The following SKIDA1 variants were observed in gnomAD, a reference collection of about 807,000 sequenced individuals.
SKIDA1 encodes SKI/DACH domain containing 1.
Under a neutral mutation model 51.4 loss-of-function variants are expected in SKIDA1, and 18 were observed. That is an observed-to-expected ratio of 0.35 (90% CI 0.24 to 0.52). SKIDA1 has a LOEUF of 0.52. Ranked by LOEUF, SKIDA1 falls within the 20% of genes least tolerant of loss-of-function variation. SKIDA1 has a pLI of 0.95. For missense variants in SKIDA1, 1,104 were observed against 1,180.6 expected (o/e 0.94, Z 0.95); for synonymous variants, 579 against 500.5 (o/e 1.16, Z -2.09).
At position 21,516,141 on chromosome 10, in the gene SKIDA1, G is replaced by T. The variant is rs1448814636; in HGVS notation, c.1682C>A (p.Ser561Tyr). The change falls in exon 4 of 4, where the codon TCC becomes TAC. Residue 561 changes from serine (S) to tyrosine (Y), a missense_variant. Physicochemically the swap from Ser to Tyr is moderately radical, Grantham distance 144 (BLOSUM62 -2). Transcript: ENST00000449193. This position sits in a 1 kb window ranked among gnomAD's most constrained non-coding sequence, Gnocchi z 5.7. ...CAGGTCAGTTCTCTTTACAGCATTGGAAATTTCAGAGTGTGGGAATGTAAT... is the reference window on the plus strand; with the variant it reads ...CAGGTCAGTTCTCTTTACAGCATTGTAAATTTCAGAGTGTGGGAATGTAAT... Reference protein sequence around the residue: ...SEITFPHSEISNAVKRTDLTI... With the variant: ...SEITFPHSEIYNAVKRTDLTI... 1 of 1,613,902 alleles carries T rather than the reference G, an allele frequency of 6.2e-7. No homozygotes were observed. Among genetic ancestry groups the T allele is most frequent in the African/African-American group, 1.3e-5 (1 of 74,928 alleles).
chr10:21,516,514 T>G lies in SKIDA1; in HGVS notation c.1309A>C (p.Ser437Arg), dbSNP rs777401308. Residue 437 changes from serine (S) to arginine (R), a missense_variant, in exon 4 of 4, where the codon AGT (serine) becomes CGT (arginine). Ser to Arg is a moderately radical substitution (Grantham distance 110, BLOSUM62 -1). Coordinates refer to ENST00000449193, the MANE Select transcript of SKIDA1 (RefSeq NM_207371.4). This position sits in a 1 kb window ranked among gnomAD's most constrained non-coding sequence, Gnocchi z 5.7. ...TCCTCCTCCTCCGAGCTGACTTCAC[T>G]GGAATCCGAGGCCCCGCTGCCCCCC... The part of the protein sequence containing the change: ...EEGGSGASDS[S>R]EVSSEEEDSS... The G allele has an allele frequency of 6.3e-7, 1 of 1,588,952 alleles. No individual in the cohort carries two copies. The highest frequency in any genetic ancestry group is 8.6e-7 in the Non-Finnish European group (1 of 1,168,112).
intron 1 of SKIDA1, among the ~76,000 whole-genome samples, chr10:21,525,121 T>A (rs1406420531): frequency 1.3e-5 from 2 of 152,212 alleles, no homozygotes; most frequent in Non-Finnish European, 2.9e-5. Context: ...GTCATTTAAA[T>A]AGACTTTCTT....
At chr10:21,519,941 G>T (rs1220942810) in intron 3 of SKIDA1, among the ~76,000 whole-genome samples, 2 of 148,966 alleles carry the variant, frequency 1.3e-5, no homozygotes, top group Non-Finnish European at 3.0e-5. Context: ...ATTTAAGAGA[G>T]TCTGTAACTC....
At chr10:21,520,955 A>G (rs2032376727) in intron 3 of SKIDA1, among the ~76,000 whole-genome samples, 2 of 152,054 alleles carry the variant, frequency 1.3e-5, no homozygotes, top group African/African-American at 4.8e-5. Context: ...CTACTATTAC[A>G]CATCTTTCTT....
rs1475896712 is a variant in SKIDA1 at position 21,516,543 on chromosome 10, T to TCCTCCA, written c.1279_1280insTGGAGG (p.Glu426_Glu427insValGlu). ...ATCCGAGGCCCCGCTGCCCCCCTCCTCCTCCTCTTCCTCCTCCTCCTCCTC... is the reference window on the plus strand; with the variant it reads ...ATCCGAGGCCCCGCTGCCCCCCTCCTCCTCCACCTCCTCTTCCTCCTCCTCCTCCTC... On this transcript the variant is annotated inframe_insertion, in exon 4 of 4. Coordinates refer to ENST00000449193, the MANE Select transcript of SKIDA1 (RefSeq NM_207371.4). This position sits in a 1 kb window ranked among gnomAD's most constrained non-coding sequence, Gnocchi z 5.7. 4.5e-6 allele frequency: 7 copies of TCCTCCA among 1,545,738 alleles called. No individual in the cohort carries two copies. The highest frequency in any genetic ancestry group is 6.1e-6 in the Non-Finnish European group (7 of 1,142,290).
intron 2 of SKIDA1, 39 bp from the exon 3 acceptor site, chr10:21,521,519 T>A (rs2032394455): frequency 6.6e-6 from 1 of 152,622 alleles, no homozygotes; most frequent in Non-Finnish European, 1.5e-5. Context: ...TAATGGACTG[T>A]ATTCAAATTT....
chr10:21,520,430 C>T (rs2032358791), intron 3 of SKIDA1, among the ~76,000 whole-genome samples: 1 of 152,046 alleles, frequency 6.6e-6, no homozygotes, highest in South Asian at 2.1e-4. Flanking sequence ...TTTAAAATTC[C>T]TTCTGATGCA....
rs1411392267 is a variant in SKIDA1, at chr10:21,514,912, T to G, written c.*184A>C. ...CCCTTCTCCCACCCCGCCCCCACCC[T>G]ACTCCAGAAAAAAAAAAAAAAACCC... On this transcript the variant is annotated 3_prime_UTR_variant, in exon 4 of 4. Coordinates refer to ENST00000449193, the MANE Select transcript of SKIDA1 (RefSeq NM_207371.4). The G allele has an allele frequency of 3.0e-5, 1 of 33,588 alleles. No homozygotes were observed. The highest frequency in any genetic ancestry group is 5.7e-5 in the Non-Finnish European group (1 of 17,504). 2.1% of individuals were successfully genotyped at this position (33,588 alleles called of 1,614,324 possible). A position where few individuals can be genotyped will look rare whatever the true frequency, so the allele number is the denominator to read the frequency against.
chr10:21,516,513 C>G lies in SKIDA1; in HGVS notation c.1310G>C (p.Ser437Thr), dbSNP rs373195307. 4 of 1,589,820 alleles carry G rather than the reference C, an allele frequency of 2.5e-6. No individual in the cohort carries two copies. In the South Asian group the frequency reaches 4.5e-5, roughly 18 times the overall value. Reference protein sequence around the residue: ...EEGGSGASDSSEVSSEEEDSS... With the variant: ...EEGGSGASDSTEVSSEEEDSS... ...GTCCTCCTCCTCCGAGCTGACTTCA[C>G]TGGAATCCGAGGCCCCGCTGCCCCC... Residue 437 changes from serine to threonine, a missense_variant, in exon 4 of 4, where the codon AGT (serine) becomes ACT (threonine). This residue lies in a region of SKIDA1 where 938 missense variants were observed against 886.4 expected (regional missense o/e 1.06). Transcript: ENST00000449193. This position sits in a 1 kb window ranked among gnomAD's most constrained non-coding sequence, Gnocchi z 5.7.
Position 21,519,230 on chromosome 10 carries a change from A to T in SKIDA1, c.-1408T>A, listed in dbSNP as rs905710030. 1.2e-5 allele frequency: 2 copies of T among 167,094 alleles called. No homozygotes were observed. The highest frequency in any genetic ancestry group is 2.9e-5 in the Non-Finnish European group (2 of 68,124). 10.4% of individuals were successfully genotyped at this position (167,094 alleles called of 1,614,324 possible). A position where few individuals can be genotyped will look rare whatever the true frequency, so the allele number is the denominator to read the frequency against. On this transcript the variant is annotated 5_prime_UTR_variant, in exon 4 of 4. Transcript: ENST00000449193. ...GTGCTTCCAGAGGTTTTACGTAATAACAATGAAAAGAAAGTGCTGATGTAC... is the reference window on the plus strand; with the variant it reads ...GTGCTTCCAGAGGTTTTACGTAATATCAATGAAAAGAAAGTGCTGATGTAC...
intron 2 of SKIDA1, among the ~76,000 whole-genome samples, chr10:21,522,467 C>A (rs551251275): frequency 6.6e-6 from 1 of 151,970 alleles, no homozygotes; most frequent in Non-Finnish European, 1.5e-5. Context: ...ATAATATTCA[C>A]AAGATAAAAG....
chr10:21,518,000 G>C lies in SKIDA1; in HGVS notation c.-178C>G, dbSNP rs150656037. The C allele has an allele frequency of 0.013, 4,786 of 379,554 alleles. 142 individuals are homozygous for C. The highest frequency in any genetic ancestry group is 0.051 in the East Asian group (1,084 of 21,402). The allele number at this position is 379,554 out of a possible 1,614,324, so 23.5% of individuals were successfully genotyped here. On this transcript the variant is annotated 5_prime_UTR_variant, in exon 4 of 4. Transcript: ENST00000449193. This position sits in a 1 kb window ranked among gnomAD's most constrained non-coding sequence, Gnocchi z 6.9. ...GTGCCAAACTCTAGGCGAAATTATT[G>C]GGGGGGGGGAAACCCCATGAAATTA...
In SKIDA1 at chr10:21,515,117, T is replaced by C. The variant is rs751857096; in HGVS notation, c.2706A>G (p.Lys902=). 1 of 1,601,028 alleles carries C rather than the reference T, an allele frequency of 6.2e-7. No individual in the cohort carries two copies. Among genetic ancestry groups the C allele is most frequent in the Non-Finnish European group, 8.5e-7 (1 of 1,175,410 alleles). ...ATTTTTATGAATTAAATTTCCTGAA[T>C]TTGTGACTAGGTGGAAGAGGTATTG... The part of the protein sequence containing the change: ...GSAIPLPPSH[K]FRKFNS Residue 902 remains lysine (K), a synonymous_variant, in exon 4 of 4, where the codon AAA becomes AAG. Coordinates refer to ENST00000449193, the MANE Select transcript of SKIDA1 (RefSeq NM_207371.4).
In SKIDA1 at chr10:21,515,809, T is replaced by C. The variant is rs959147065; in HGVS notation, c.2014A>G (p.Thr672Ala). 8 of 1,613,928 alleles carry C rather than the reference T, an allele frequency of 5.0e-6. No homozygotes were observed. The highest frequency in any genetic ancestry group is 6.8e-6 in the Non-Finnish European group (8 of 1,179,890). Residue 672 changes from threonine (T) to alanine (A), a missense_variant, in exon 4 of 4, where the codon ACT becomes GCT. Thr to Ala is a moderately conservative substitution (Grantham distance 58). Around this residue, in one of 3 missense-constraint regions of SKIDA1, gnomAD observed 938 missense variants for 886.4 expected, o/e 1.06. Transcript: ENST00000449193. ...AAATKAENPC[T>A]DTGDKTLPFL... is the part of the protein sequence containing the mutation. ...GGCAATGTCTTGTCGCCTGTGTCAG[T>C]GCAGGGATTCTCGGCTTTAGTTGCT...
In SKIDA1 at chr10:21,518,461, C is replaced by T. The variant is rs2032305937; in HGVS notation, c.-639G>A. The T allele has an allele frequency of 6.0e-6, 1 of 166,482 alleles. No homozygotes were observed. The highest frequency in any genetic ancestry group is 6.6e-5 in the Admixed American group (1 of 15,226). The allele number at this position is 166,482 out of a possible 1,614,324, so 10.3% of individuals were successfully genotyped here. A position where few individuals can be genotyped will look rare whatever the true frequency, so the allele number is the denominator to read the frequency against. ...TAAATAATACAGTCGGTATATAAAT[C>T]TTTCCATTAAACTATCGGAGCTCAG... On this transcript the variant is annotated 5_prime_UTR_variant, in exon 4 of 4. Transcript: ENST00000449193.
At chr10:21,524,648 TAA>T (rs1486572469) in intron 1 of SKIDA1, 2 of 131,078 alleles carry the variant, frequency 1.5e-5, no homozygotes, top group African/African-American at 5.6e-5. Context: ...AATCCTACGC[TAA>T]AAGAGGGCAG....
chr10:21,524,506 A>C (rs1588692754), intron 1 of SKIDA1, among the ~76,000 whole-genome samples: 1 of 147,076 alleles, frequency 6.8e-6, no homozygotes, highest in East Asian at 2.0e-4. Context: ...TTTCCTTTTG[A>C]AAGTTTAGAG....
rs1459440029 is a variant in SKIDA1, at chr10:21,515,866, T to C, written c.1957A>G (p.Thr653Ala). The change falls in exon 4 of 4, where the codon ACT becomes GCT. Residue 653 changes from threonine to alanine, a missense_variant. By Grantham distance (58) the Thr-to-Ala change is moderately conservative. This residue lies in a region of SKIDA1 where 938 missense variants were observed against 886.4 expected (regional missense o/e 1.06). Coordinates refer to ENST00000449193, the MANE Select transcript of SKIDA1 (RefSeq NM_207371.4). Reference sequence around the variant, plus strand: ...CCTGCAGCGTTCACTTCAGGATCAGTCTGCGAAGAGGGCAAATCCGTAGCA... The same window carrying C: ...CCTGCAGCGTTCACTTCAGGATCAGCCTGCGAAGAGGGCAAATCCGTAGCA... ...EFATDLPSSQ[T>A]DPEVNAAGAA... The C allele has an allele frequency of 3.1e-6, 5 of 1,613,956 alleles. No individual in the cohort carries two copies. The highest frequency in any genetic ancestry group is 4.2e-6 in the Non-Finnish European group (5 of 1,179,910).
chr10:21,522,268 C>A (rs1588687843), intron 2 of SKIDA1, among the ~76,000 whole-genome samples: 1 of 7,924 alleles, frequency 1.3e-4, no homozygotes, highest in Non-Finnish European at 3.3e-4. Context: ...TCACAGCCAC[C>A]CCCCCCCCCC....
Sources: gnomAD v4.1 joint callset for allele counts (sites outside exome capture counted in the v4.1 genomes callset) on GRCh38, gnomAD v4.1.1 for gene constraint, gnomAD v4.1.1 regional missense constraint, Gnocchi (gnomAD v3.1) non-coding constraint, MANE v1.5 for transcripts, NCBI Gene and HGNC (gene_info 2026-07-23, HGNC 2026-07-21) for gene names.